RARB: variants seen among roughly 807,000 people sequenced by gnomAD.
RARB encodes the protein retinoic acid receptor beta, also known as HBV-activated protein.
In RARB, 17 loss-of-function variants were observed where a neutral mutation model predicts 51.9. The ratio of observed to expected loss-of-function variants is 0.33; its 90% CI spans 0.22 to 0.49. The LOEUF is 0.49. Ranked by LOEUF, RARB falls within the 20% of genes least tolerant of loss-of-function variation. RARB has a pLI of 0.99. For synonymous variants in RARB, 215 were observed against 195.4 expected (o/e 1.10, Z -0.84); for missense variants, 369 against 550.8 (o/e 0.67, Z 3.30).
At chr3:24,875,037 G>A (rs538425533) in intron 2 of RARB, among the ~76,000 whole-genome samples, 60 of 151,950 alleles carry the variant, frequency 3.9e-4, no homozygotes, top group African/African-American at 1.4e-3. Context: ...GCATTAATGG[G>A]GGTAAATCTC....
intron 5 of RARB, among the ~76,000 whole-genome samples, chr3:25,381,631 C>A (rs1412537906): frequency 1.3e-5 from 2 of 152,196 alleles, no homozygotes; most frequent in African/African-American, 2.4e-5. Flanking sequence ...TTGAGAAATG[C>A]ATTTCCCCTT....
chr3:25,495,641 T>C (rs1696986935), intron 2 of RARB, among the ~76,000 whole-genome samples: 1 of 152,188 alleles, frequency 6.6e-6, no homozygotes, highest in African/African-American at 2.4e-5. Flanking sequence ...AGTTCTTTGG[T>C]AACAGCAGTC....
intron 4 of RARB, among the ~76,000 whole-genome samples, chr3:25,155,304 C>T (rs747472372): frequency 1.8e-4 from 27 of 152,128 alleles, no homozygotes; most frequent in African/African-American, 4.8e-4. Flanking sequence ...CCCCAGCACA[C>T]GTAAACTTTA....
At chr3:24,990,474 T>C (rs1434773486) in intron 2 of RARB, among the ~76,000 whole-genome samples, 1 of 105,708 alleles carries the variant, frequency 9.5e-6, no homozygotes, top group Non-Finnish European at 1.9e-5. Context: ...TACTTAGATA[T>C]ACTCTAGTAA....
chr3:25,554,475 T>G (rs930987290), intron 3 of RARB, among the ~76,000 whole-genome samples: 6 of 152,144 alleles, frequency 3.9e-5, no homozygotes, highest in Middle Eastern at 6.8e-3. Flanking sequence ...TCCTGGCTCT[T>G]TTTGCGCTAC....
At chr3:24,884,040 A>G (rs1311437396) in intron 2 of RARB, among the ~76,000 whole-genome samples, 1 of 152,156 alleles carries the variant, frequency 6.6e-6, no homozygotes, top group East Asian at 1.9e-4. Context: ...GTTTCCTGAC[A>G]CCAACGATTT....
chr3:25,121,141 T>C (rs1351703498), intron 3 of RARB, among the ~76,000 whole-genome samples: 1 of 152,118 alleles, frequency 6.6e-6, no homozygotes. Context: ...TGCAAGCCAG[T>C]GAGGAAGGCT....
At chr3:24,929,717 G>C (rs1213485923) in intron 2 of RARB, among the ~76,000 whole-genome samples, 4 of 152,066 alleles carry the variant, frequency 2.6e-5, no homozygotes, top group Non-Finnish European at 5.9e-5. Context: ...TCTGGTCTCT[G>C]AGATCTGCCC....
rs114433058 is a variant in RARB, at chr3:25,584,939, T to G, written c.786+4217T>G. 7.8e-3 allele frequency among the ~76,000 whole-genome samples: 1,178 copies of G among 151,778 alleles called. 12 individuals carry two copies. The highest frequency in any genetic ancestry group is 0.012 in the Non-Finnish European group (811 of 67,950). Reference sequence around the variant, plus strand: ...CCCTACTTTTGCCACAGTATTTATCTCCTCCCCTCACCCTCCGCCCCCACC... The same window carrying G: ...CCCTACTTTTGCCACAGTATTTATCGCCTCCCCTCACCCTCCGCCCCCACC... On this transcript the variant is annotated intron_variant, in intron 5 of 7. Transcript: ENST00000330688.
At chr3:25,294,984 T>G (rs1269513768) in intron 5 of RARB, among the ~76,000 whole-genome samples, 1 of 152,192 alleles carries the variant, frequency 6.6e-6, no homozygotes, top group East Asian at 1.9e-4. Flanking sequence ...CTGTGTCTCA[T>G]GGAAAAAGTA....
chr3:25,439,731 T>A (rs6776706), intron 1 of RARB, among the ~76,000 whole-genome samples: 40,894 of 152,176 alleles, frequency 0.27, 6,039 homozygotes, highest in Middle Eastern at 0.4. Flanking sequence ...ATTCTGTATT[T>A]TGAATTTTCA....
chr3:25,032,301 C>A (rs1163058140), intron 2 of RARB, among the ~76,000 whole-genome samples: 1 of 152,192 alleles, frequency 6.6e-6, no homozygotes, highest in Non-Finnish European at 1.5e-5. Flanking sequence ...CTTCCCCTTA[C>A]CTAAGACAAG....
chr3:25,349,976 G>A (rs1705510984), intron 5 of RARB, among the ~76,000 whole-genome samples: 1 of 152,004 alleles, frequency 6.6e-6, no homozygotes, highest in African/African-American at 2.4e-5. Flanking sequence ...TGGGGCCTTG[G>A]TTTTCCTCTC....
At chr3:24,918,700 G>T (rs1695156158) in intron 2 of RARB, among the ~76,000 whole-genome samples, 1 of 152,248 alleles carries the variant, frequency 6.6e-6, no homozygotes, top group African/African-American at 2.4e-5. Flanking sequence ...CTGGCCAACA[G>T]GCCAACATGG....
chr3:25,167,708 A>G (rs991327389), intron 4 of RARB, among the ~76,000 whole-genome samples: 4 of 152,260 alleles, frequency 2.6e-5, no homozygotes, highest in Admixed American at 2.6e-4. Context: ...CAGAGGGGTT[A>G]CTGAGTTCTA....
intron 5 of RARB, among the ~76,000 whole-genome samples, chr3:25,178,922 A>G: frequency 6.6e-6 from 1 of 152,110 alleles, no homozygotes; most frequent in East Asian, 1.9e-4. Context: ...TTATTGCTGC[A>G]CATGTGCTTT....
intron 5 of RARB, among the ~76,000 whole-genome samples, chr3:25,378,300 T>C (rs1000478844): frequency 2.0e-5 from 3 of 152,212 alleles, no homozygotes; most frequent in African/African-American, 7.2e-5. Context: ...TTTATGGCTC[T>C]ACAGTCACCA....
chr3:25,305,131 T>TAC (rs1704125847), intron 5 of RARB, among the ~76,000 whole-genome samples: 1 of 152,150 alleles, frequency 6.6e-6, no homozygotes, highest in Admixed American at 6.5e-5. Context: ...GGACGTAGGA[T>TAC]ACACTAGGAT....
chr3:25,353,982 C>T (rs1412709119), intron 5 of RARB, among the ~76,000 whole-genome samples: 1 of 151,984 alleles, frequency 6.6e-6, no homozygotes, highest in Non-Finnish European at 1.5e-5. Context: ...TGGGGGAGCA[C>T]ATTCATAGTT....
Sources: gnomAD v4.1 joint callset for allele counts (sites outside exome capture counted in the v4.1 genomes callset) on GRCh38, gnomAD v4.1.1 for gene constraint, MANE v1.5 for transcripts, NCBI Gene and HGNC (gene_info 2026-07-23, HGNC 2026-07-21) for gene names.